The following ARHGEF11 variants were observed in gnomAD, a reference collection of about 807,000 sequenced individuals.
ARHGEF11 encodes Rho guanine nucleotide exchange factor 11, also known as Rho guanine exchange factor (GEF) 11.
ARHGEF11 carries 55 observed loss-of-function variants against 193.7 expected under a neutral mutation model. That is an observed-to-expected ratio of 0.28 (90% CI 0.23 to 0.36). ARHGEF11 has a LOEUF of 0.36. ARHGEF11 is among the 10% of genes least tolerant of loss of function. The pLI is 1.00. For missense variants in ARHGEF11, 1,723 were observed against 2,005.6 expected (o/e 0.86, Z 2.69); for synonymous variants, 693 against 768.0 (o/e 0.90, Z 1.62).
At chr1:157,038,508 A>G (rs2103075682) in intron 1 of ARHGEF11, among the ~76,000 whole-genome samples, 1 of 152,348 alleles carries the variant, frequency 6.6e-6, no homozygotes. Flanking sequence ...GAAGTTTCGT[A>G]TCCAAAGGGA....
At chr1:156,945,390 C>G (rs1248412234) in intron 29 of ARHGEF11, 193 bp from the exon 30 acceptor site, 2 of 595,678 alleles carry the variant, frequency 3.4e-6, no homozygotes, top group Admixed American at 3.1e-5. Context: ...ATCTTCAGGT[C>G]TCAGACAGAT....
chr1:157,027,030 C>T (rs1388408250), intron 1 of ARHGEF11, among the ~76,000 whole-genome samples: 1 of 152,130 alleles, frequency 6.6e-6, no homozygotes, highest in Non-Finnish European at 1.5e-5. Flanking sequence ...ATTGGAAAAA[C>T]CCTAATTGGA....
At chr1:156,959,470 C>T (rs979628330) in intron 15 of ARHGEF11, among the ~76,000 whole-genome samples, 1 of 152,192 alleles carries the variant, frequency 6.6e-6, no homozygotes, top group African/African-American at 2.4e-5. Context: ...CTCTGAGAGG[C>T]TTGTTCCCCT....
intron 8 of ARHGEF11, among the ~76,000 whole-genome samples, chr1:156,970,816 G>T (rs937803067): frequency 6.6e-6 from 1 of 152,128 alleles, no homozygotes; most frequent in African/African-American, 2.4e-5. Flanking sequence ...AGGCTCCTAT[G>T]GATTAATTAA....
Position 156,980,481 on chromosome 1 carries a change from C to T in ARHGEF11, c.229G>A (p.Ala77Thr), listed in dbSNP as rs775256784. Residue 77 changes from alanine (A) to threonine (T), a missense_variant, in exon 4 of 41, where the codon GCA becomes ACA. Ala to Thr is a moderately conservative substitution (Grantham distance 58, BLOSUM62 0). Transcript: ENST00000368194. The stretch of plus-strand genomic sequence containing the variant: ...TCTTTCACACCGGCCTTCATGGCTG[C>T]ACCTCCTGTAAGGAGAAGGCCTGGT... ...VLVQSVRPGG[A>T]AMKAGVKEGD... The T allele has an allele frequency of 2.5e-6, 4 of 1,596,644 alleles. No homozygotes were observed. The highest frequency in any genetic ancestry group is 1.1e-5 in the South Asian group (1 of 87,800).
chr1:157,043,866 A>C (rs1673060152), intron 1 of ARHGEF11, among the ~76,000 whole-genome samples: 1 of 152,122 alleles, frequency 6.6e-6, no homozygotes, highest in Non-Finnish European at 1.5e-5. Context: ...ATTCCATACC[A>C]ACCAGCCTGG....
At chr1:156,992,638 G>A (rs1665913753) in intron 1 of ARHGEF11, among the ~76,000 whole-genome samples, 1 of 152,094 alleles carries the variant, frequency 6.6e-6, no homozygotes, top group Non-Finnish European at 1.5e-5. Context: ...TATTTTAAAA[G>A]TTAGTTGCTA....
At chr1:156,946,275 G>T in intron 28 of ARHGEF11, 113 bp from the exon 29 acceptor site, 2 of 824,294 alleles carry the variant, frequency 2.4e-6, no homozygotes, top group Non-Finnish European at 2.0e-6. Context: ...ACGCCAGATG[G>T]ATCACTCAGA....
intron 32 of ARHGEF11, 86 bp from the exon 33 acceptor site, chr1:156,942,866 C>A: frequency 8.9e-7 from 1 of 1,128,768 alleles, no homozygotes. Context: ...GAGTGGGACT[C>A]AAAGCCCTGA....
At chr1:156,946,597 G>T (rs1473043196) in intron 28 of ARHGEF11, 65 bp downstream of exon 28, 12 of 1,608,900 alleles carry the variant, frequency 7.5e-6, no homozygotes, top group East Asian at 6.7e-5. Context: ...AAGGAGAGAA[G>T]TTCAGGAGAT....
chr1:156,963,301 C>A lies in ARHGEF11; in HGVS notation c.1042G>T (p.Asp348Tyr). The change falls in exon 13 of 41, where the codon GAC becomes TAC. Residue 348 changes from aspartate to tyrosine, a missense_variant. Around this residue, in one of 5 missense-constraint regions of ARHGEF11, gnomAD observed 646 missense variants for 710.7 expected, o/e 0.91. Transcript: ENST00000368194. ...TTCTCCAGATCCTGGAATATGATGTCGCTCTGGAAGGCAGAAGGATGAGCA... is the reference window on the plus strand; with the variant it reads ...TTCTCCAGATCCTGGAATATGATGTAGCTCTGGAAGGCAGAAGGATGAGCA... Reference protein sequence around the residue: ...YDPGYFNNESDIIFQDLEKLK... With the variant: ...YDPGYFNNESYIIFQDLEKLK... 6.2e-7 allele frequency: 1 copy of A among 1,613,828 alleles called. No individual in the cohort carries two copies. The highest frequency in any genetic ancestry group is 8.5e-7 in the Non-Finnish European group (1 of 1,179,836).
At chr1:157,018,102 A>T (rs1434692227) in intron 1 of ARHGEF11, among the ~76,000 whole-genome samples, 1 of 152,226 alleles carries the variant, frequency 6.6e-6, no homozygotes, top group Non-Finnish European at 1.5e-5. Context: ...AGCCTCAAAA[A>T]TATGAAATAG....
chr1:157,042,751 C>T (rs572738854), intron 1 of ARHGEF11, among the ~76,000 whole-genome samples: 9 of 152,296 alleles, frequency 5.9e-5, no homozygotes, highest in East Asian at 1.9e-4. Flanking sequence ...CCTTCTTGCA[C>T]GCCCCCAAAA....
chr1:156,955,847 G>C, intron 19 of ARHGEF11, 48 bp from the exon 20 acceptor site: 8 of 1,445,868 alleles, frequency 5.5e-6, no homozygotes, highest in Non-Finnish European at 7.8e-6. Flanking sequence ...CTGATACCCA[G>C]GCGTGGCTGC....
chr1:156,968,073 G>A lies in ARHGEF11; in HGVS notation c.877C>T (p.Arg293Ter). Residue 293 changes from arginine to a stop codon, truncating the protein, a stop_gained, in exon 11 of 41, where the codon CGA becomes TGA. Transcript: ENST00000368194. LOFTEE classifies it high-confidence loss of function. ...VLSDPGLDSP[R>*]TSPVIMARVA... Reference sequence around the variant, plus strand: ...CTGGCCATGATCACAGGGGAGGTTCGAGGACTGTCTAGCCCAGGGTCTGAC... The same window carrying A: ...CTGGCCATGATCACAGGGGAGGTTCAAGGACTGTCTAGCCCAGGGTCTGAC... The A allele has an allele frequency of 6.2e-7, 1 of 1,614,218 alleles. No homozygotes were observed. Among genetic ancestry groups the A allele is most frequent in the Non-Finnish European group, 8.5e-7 (1 of 1,180,024 alleles).
At chr1:157,044,254 T>A (rs1275130074) in intron 1 of ARHGEF11, 45 bp downstream of exon 1, 4 of 1,589,560 alleles carry the variant, frequency 2.5e-6, no homozygotes, top group Non-Finnish European at 2.6e-6. Flanking sequence ...CCTCCCAGTC[T>A]TTCCTTTAGT....
Position 156,948,688 on chromosome 1 carries a change from A to C in ARHGEF11, c.1926-190T>G. ...GACAGACTATTTTTGCTGCTCTACA[A>C]ACTCCTCCTCTCTCCCCAGCCTAGC... On this transcript the variant is annotated intron_variant, in intron 22 of 40. Coordinates refer to ENST00000368194, the MANE Select transcript of ARHGEF11 (RefSeq NM_198236.3). This position sits in a 1 kb window ranked among gnomAD's most constrained non-coding sequence, Gnocchi z 4.2. 1 of 1,528,662 alleles carries C rather than the reference A, an allele frequency of 6.5e-7. No individual in the cohort carries two copies. The highest frequency in any genetic ancestry group is 8.8e-7 in the Non-Finnish European group (1 of 1,142,574). 94.7% of individuals were successfully genotyped at this position (1,528,662 alleles called of 1,614,324 possible).
intron 35 of ARHGEF11, 100 bp downstream of exon 35, chr1:156,941,272 G>A: frequency 5.5e-6 from 6 of 1,082,494 alleles, no homozygotes; most frequent in Non-Finnish European, 8.5e-6. Flanking sequence ...TCACACCCCG[G>A]GCCCTGATGG....
In ARHGEF11 at chr1:156,939,658, G is replaced by T. The variant is rs565426652; in HGVS notation, c.3986C>A (p.Pro1329His). The T allele has an allele frequency of 1.8e-5, 29 of 1,613,868 alleles. No homozygotes were observed. The highest frequency in any genetic ancestry group is 2.5e-5 in the Non-Finnish European group (29 of 1,180,028). ...DMGLCSLEHL[P>H]PRTRNSGIWE... ...TATCCCAGAATTTCTGGTCCTTGGG[G>T]GTAGGTGTTCCAGAGAACAGAGACC... Residue 1329 changes from proline to histidine, a missense_variant, in exon 37 of 41, where the codon CCC (proline) becomes CAC (histidine). Around this residue, in one of 5 missense-constraint regions of ARHGEF11, gnomAD observed 360 missense variants for 344.4 expected, o/e 1.05. Coordinates refer to ENST00000368194, the MANE Select transcript of ARHGEF11 (RefSeq NM_198236.3).
Sources: gnomAD v4.1 joint callset for allele counts (sites outside exome capture counted in the v4.1 genomes callset) on GRCh38, gnomAD v4.1.1 for gene constraint, gnomAD v4.1.1 regional missense constraint, Gnocchi (gnomAD v3.1) non-coding constraint, MANE v1.5 for transcripts, NCBI Gene and HGNC (gene_info 2026-07-23, HGNC 2026-07-21) for gene names.